The following MAGI2 variants were observed in gnomAD, a reference collection of about 807,000 sequenced individuals.
MAGI2 encodes membrane-associated guanylate kinase, WW and PDZ domain-containing protein 2.
Under a neutral mutation model 133.3 loss-of-function variants are expected in MAGI2, and 35 were observed. The observed-to-expected ratio is 0.26, with a 90% CI of 0.20 to 0.35. MAGI2 has a LOEUF of 0.35. Ranked by LOEUF, MAGI2 falls within the 10% of genes least tolerant of loss-of-function variation. The pLI is 1.00. For missense variants in MAGI2, 1,636 were observed against 1,863.4 expected (o/e 0.88, Z 2.25); for synonymous variants, 729 against 710.6 (o/e 1.03, Z -0.41).
At chr7:78,501,202 C>A (rs985633557) in intron 5 of MAGI2, among the ~76,000 whole-genome samples, 1 of 152,186 alleles carries the variant, frequency 6.6e-6, no homozygotes, top group African/African-American at 2.4e-5. Flanking sequence ...ATTCCTCCAA[C>A]TAGCTTAGAT....
At chr7:78,839,518 G>T (rs964844286) in intron 2 of MAGI2, among the ~76,000 whole-genome samples, 90 of 152,112 alleles carry the variant, frequency 5.9e-4, no homozygotes, top group African/African-American at 2.0e-3. Context: ...AAAGAAAGAG[G>T]TCTAATTGAC....
chr7:78,625,679 T>C (rs781014778), intron 3 of MAGI2, among the ~76,000 whole-genome samples: 3 of 152,180 alleles, frequency 2.0e-5, no homozygotes, highest in Non-Finnish European at 4.4e-5. Context: ...CCAGAGCAAC[T>C]TACAGTCCTG....
At chr7:78,057,699 C>T (rs1006760831) in intron 21 of MAGI2, among the ~76,000 whole-genome samples, 4 of 151,900 alleles carry the variant, frequency 2.6e-5, no homozygotes, top group African/African-American at 7.3e-5. Flanking sequence ...TTTTACATGC[C>T]TTGGAGCTTT....
At chr7:78,028,696 A>C (rs1809220072) in intron 21 of MAGI2, among the ~76,000 whole-genome samples, 1 of 151,988 alleles carries the variant, frequency 6.6e-6, no homozygotes, top group Non-Finnish European at 1.5e-5. Flanking sequence ...CTCTACTAAA[A>C]ATACAAAAAT....
At chr7:78,833,977 G>A (rs1356463989) in intron 2 of MAGI2, among the ~76,000 whole-genome samples, 1 of 152,136 alleles carries the variant, frequency 6.6e-6, no homozygotes, top group Non-Finnish European at 1.5e-5. Context: ...TAACGTGAAA[G>A]TCATTATTAT....
At chr7:78,875,975 T>A (rs1028655286) in intron 2 of MAGI2, among the ~76,000 whole-genome samples, 1 of 152,036 alleles carries the variant, frequency 6.6e-6, no homozygotes, top group African/African-American at 2.4e-5. Context: ...ATAACAGCTG[T>A]CCAATCTTAA....
intron 6 of MAGI2, among the ~76,000 whole-genome samples, chr7:78,479,909 T>C (rs549263898): frequency 2.3e-4 from 35 of 151,814 alleles, no homozygotes; most frequent in Non-Finnish European, 4.1e-4. Context: ...ATGGAAGTTA[T>C]GAAAAAGTAC....
At chr7:78,431,105 T>TGTGTGTGTGTG (rs1562984625) in intron 6 of MAGI2, among the ~76,000 whole-genome samples, 2 of 151,578 alleles carry the variant, frequency 1.3e-5, no homozygotes, top group African/African-American at 4.9e-5. Flanking sequence ...TGTGTGTGTG[T>TGTGTGTGTGTG]TTTAAGCAAA....
At chr7:78,961,245 C>T (rs973075934) in intron 2 of MAGI2, among the ~76,000 whole-genome samples, 36 of 152,158 alleles carry the variant, frequency 2.4e-4, no homozygotes, top group Non-Finnish European at 1.3e-4. Flanking sequence ...CTTTCCATTA[C>T]GTGATATAAA....
chr7:78,128,667 A>G (rs1455021850), intron 18 of MAGI2, among the ~76,000 whole-genome samples: 4 of 152,096 alleles, frequency 2.6e-5, no homozygotes, highest in Admixed American at 6.5e-5. Context: ...CATTAGTGCA[A>G]TCTAATATTT....
chr7:78,881,440 A>AG (rs1265235069), intron 2 of MAGI2, among the ~76,000 whole-genome samples: 2 of 69,204 alleles, frequency 2.9e-5, no homozygotes, highest in Non-Finnish European at 5.8e-5. Flanking sequence ...GGATGGGGGG[A>AG]GGGGGGAGGG....
At chr7:78,754,742 C>T (rs1823787040) in intron 2 of MAGI2, among the ~76,000 whole-genome samples, 1 of 152,178 alleles carries the variant, frequency 6.6e-6, no homozygotes, top group Non-Finnish European at 1.5e-5. Flanking sequence ...AGTATAAATT[C>T]TAAACGATTC....
intron 2 of MAGI2, among the ~76,000 whole-genome samples, chr7:78,819,683 C>T (rs1405938988): frequency 1.3e-5 from 2 of 151,886 alleles, no homozygotes; most frequent in African/African-American, 2.4e-5. Flanking sequence ...AATTTCTCTA[C>T]TTCATTTTCA....
At chr7:78,416,036 G>A (rs1441268813) in intron 6 of MAGI2, among the ~76,000 whole-genome samples, 7 of 152,120 alleles carry the variant, frequency 4.6e-5, no homozygotes, top group African/African-American at 1.4e-4. Context: ...GACTGTACAG[G>A]TTGGGTAAAA....
intron 1 of MAGI2, among the ~76,000 whole-genome samples, chr7:79,283,176 A>C (rs1835776392): frequency 6.6e-6 from 1 of 152,132 alleles, no homozygotes; most frequent in Non-Finnish European, 1.5e-5. Context: ...CAGAAATTTT[A>C]AGAATCCAAG....
At chr7:78,656,410 A>T (rs1337692752) in intron 2 of MAGI2, among the ~76,000 whole-genome samples, 2 of 152,230 alleles carry the variant, frequency 1.3e-5, no homozygotes, top group Non-Finnish European at 2.9e-5. Flanking sequence ...CCTGGAGGAC[A>T]TTATGCTAAG....
intron 3 of MAGI2, chr7:78,568,449 C>CA (rs1563181141): frequency 6.6e-6 from 1 of 152,200 alleles, no homozygotes; most frequent in African/African-American, 2.4e-5. Context: ...GCCCATCCTA[C>CA]AGTGTTCTCC....
chr7:78,201,505 T>A (rs1829248212), intron 10 of MAGI2, among the ~76,000 whole-genome samples: 1 of 152,258 alleles, frequency 6.6e-6, no homozygotes, highest in African/African-American at 2.4e-5. Flanking sequence ...TAGGGATTTC[T>A]ATTGCACAGC....
intron 16 of MAGI2, among the ~76,000 whole-genome samples, chr7:78,156,545 C>T (rs182582970): frequency 5.9e-5 from 9 of 152,260 alleles, no homozygotes; most frequent in Admixed American, 5.9e-4. Context: ...AGCACTTCCA[C>T]ATATTCATCG....
Sources: gnomAD v4.1 joint callset for allele counts (sites outside exome capture counted in the v4.1 genomes callset) on GRCh38, gnomAD v4.1.1 for gene constraint, MANE v1.5 for transcripts, NCBI Gene and HGNC (gene_info 2026-07-23, HGNC 2026-07-21) for gene names.